POP1: variants seen among roughly 807,000 people sequenced by gnomAD.
The protein encoded by POP1 is POP1 ribonuclease P/MRP subunit.
Under a neutral mutation model 102.2 loss-of-function variants are expected in POP1, and 75 were observed. That is an observed-to-expected ratio of 0.73 (90% CI 0.61 to 0.89). POP1 has a LOEUF of 0.89. Ranked by LOEUF, POP1 falls within the 40% of genes least tolerant of loss-of-function variation. The pLI is 0.00. For synonymous variants in POP1, 436 were observed against 464.1 expected, an observed-to-expected ratio of 0.94 and a Z score of 0.78; for missense variants, 1,116 against 1,267.4, an observed-to-expected ratio of 0.88 and a Z score of 1.81.
intron 1 of POP1, among the ~76,000 whole-genome samples, chr8:98,117,662 C>A (rs1052330258): frequency 1.3e-5 from 2 of 152,282 alleles, no homozygotes; most frequent in Middle Eastern, 3.4e-3. Flanking sequence ...TCTTCTGCAA[C>A]CCCAAATGAC....
chr8:98,135,940 A>T (rs954490287), intron 7 of POP1, among the ~76,000 whole-genome samples: 2 of 152,148 alleles, frequency 1.3e-5, no homozygotes, highest in Admixed American at 1.3e-4. Context: ...CCTGGGCTGA[A>T]GCCATCCTCC....
intron 14 of POP1, among the ~76,000 whole-genome samples, chr8:98,151,418 A>G (rs1214995879): frequency 6.6e-6 from 1 of 152,006 alleles, no homozygotes; most frequent in African/African-American, 2.4e-5. Flanking sequence ...ATCCATTTAG[A>G]CTTTTCTTTT....
Position 98,144,585 on chromosome 8 carries a change from T to C in POP1, c.1595-1983T>C, listed in dbSNP as rs139859809. Reference sequence around the variant, plus strand: ...CCACTTTTGCCAGACCTATCTATTATTATCTTTTAGAATATTTGAAGATGA... The same window carrying C: ...CCACTTTTGCCAGACCTATCTATTACTATCTTTTAGAATATTTGAAGATGA... On this transcript the variant is annotated intron_variant, in intron 11 of 15. Transcript: ENST00000401707. Among the ~76,000 whole-genome samples, 623 of 152,292 alleles carry C rather than the reference T, an allele frequency of 4.1e-3. 8 individuals carry two copies. Among genetic ancestry groups the C allele is most frequent in the African/African-American group, 0.014 (595 of 41,564 alleles).
At chr8:98,129,032 G>T (rs954436480) in intron 4 of POP1, among the ~76,000 whole-genome samples, 1 of 151,982 alleles carries the variant, frequency 6.6e-6, no homozygotes, top group Admixed American at 6.6e-5. Flanking sequence ...AAATTCACAG[G>T]CAATTGGCTA....
intron 1 of POP1, 78 bp downstream of exon 1, chr8:98,117,468 C>G: frequency 3.8e-6 from 1 of 264,160 alleles, no homozygotes; most frequent in South Asian, 3.9e-5. Context: ...TCCCGGCGCC[C>G]GTCTCCCCTC....
At chr8:98,135,423 AG>A (rs1816507198) in intron 7 of POP1, among the ~76,000 whole-genome samples, 1 of 152,236 alleles carries the variant, frequency 6.6e-6, no homozygotes, top group South Asian at 2.1e-4. Context: ...ACTAGTATCT[AG>A]GGGCTATTTG....
intron 14 of POP1, among the ~76,000 whole-genome samples, chr8:98,154,505 C>T (rs2130632930): frequency 6.6e-6 from 1 of 151,368 alleles, no homozygotes. Context: ...GAAGCTGGAG[C>T]AGGTGTTGGC....
chr8:98,149,805 T>C (rs1026396044), intron 13 of POP1, among the ~76,000 whole-genome samples: 1 of 150,632 alleles, frequency 6.6e-6, no homozygotes, highest in African/African-American at 2.4e-5. Context: ...AATAAATAAA[T>C]ATTACTTCGA....
chr8:98,143,247 G>A (rs1407118478), intron 11 of POP1, among the ~76,000 whole-genome samples: 1 of 152,232 alleles, frequency 6.6e-6, no homozygotes, highest in African/African-American at 2.4e-5. Context: ...ACTGATGTGT[G>A]TGCTGACTCA....
intron 9 of POP1, among the ~76,000 whole-genome samples, chr8:98,138,266 A>G (rs1233050245): frequency 1.3e-5 from 2 of 152,224 alleles, no homozygotes; most frequent in Admixed American, 6.5e-5. Flanking sequence ...AAAGTGCTCA[A>G]TGTGACCCGT....
chr8:98,141,233 T>C (rs1816696085), intron 11 of POP1, among the ~76,000 whole-genome samples: 1 of 152,116 alleles, frequency 6.6e-6, no homozygotes, highest in Non-Finnish European at 1.5e-5. Context: ...CACCCGAAGC[T>C]GGTCTTGTGC....
At chr8:98,122,776 A>G (rs1436923233) in intron 1 of POP1, among the ~76,000 whole-genome samples, 1 of 152,218 alleles carries the variant, frequency 6.6e-6, no homozygotes, top group African/African-American at 2.4e-5. Flanking sequence ...CATTCATTTC[A>G]TTTAAAAATA....
At chr8:98,123,532 A>G in intron 2 of POP1, 53 bp downstream of exon 2, 1 of 1,556,920 alleles carries the variant, frequency 6.4e-7, no homozygotes, top group Non-Finnish European at 8.8e-7. Flanking sequence ...TAATCCCAGC[A>G]CTTTGGGAGG....
chr8:98,137,641 G>A (rs1563777353), intron 9 of POP1, among the ~76,000 whole-genome samples: 1 of 152,184 alleles, frequency 6.6e-6, no homozygotes, highest in Admixed American at 6.5e-5. Context: ...GTTAAGAGCA[G>A]TATGTCTAGG....
Position 98,152,144 on chromosome 8 carries a change from C to T in POP1, c.2057+1505C>T, listed in dbSNP as rs73701273. Among the ~76,000 whole-genome samples the T allele has an allele frequency of 1.8e-3, 268 of 152,300 alleles. 6 individuals carry two copies. Among genetic ancestry groups the T allele is most frequent in the African/African-American group, 6.1e-3 (253 of 41,580 alleles). On this transcript the variant is annotated intron_variant, in intron 14 of 15. Transcript: ENST00000401707. The stretch of plus-strand genomic sequence containing the variant: ...TTGAGGGCAGCAATCACATGTTATA[C>T]ATCCTTGTGCCTCCCATAGTATGTA...
rs1198155781 is a variant in POP1, at chr8:98,117,304, A to T, written c.-89A>T. Reference sequence around the variant, plus strand: ...GCCCGGTCTGGCGCATGCGCTCTCCAGCGCGCTCTCCAGGAGCTTTGGCTC... The same window carrying T: ...GCCCGGTCTGGCGCATGCGCTCTCCTGCGCGCTCTCCAGGAGCTTTGGCTC... On this transcript the variant is annotated 5_prime_UTR_variant, in exon 1 of 16. Transcript: ENST00000401707. 1.7e-6 allele frequency: 1 copy of T among 593,184 alleles called. No homozygotes were observed. Among genetic ancestry groups the T allele is most frequent in the African/African-American group, 1.9e-5 (1 of 53,562 alleles). The allele number at this position is 593,184 out of a possible 1,614,324, so 36.7% of individuals were successfully genotyped here.
intron 11 of POP1, among the ~76,000 whole-genome samples, chr8:98,145,019 C>G (rs1816806309): frequency 6.6e-6 from 1 of 152,106 alleles, no homozygotes; most frequent in Admixed American, 6.6e-5. Context: ...TCTCAAGTAG[C>G]TGGGATGACA....
At chr8:98,128,277 A>C in intron 3 of POP1, 88 bp from the exon 4 acceptor site, 1 of 1,271,410 alleles carries the variant, frequency 7.9e-7, no homozygotes. Flanking sequence ...TTGGTGGAGG[A>C]ATTCAGTTAA....
chr8:98,133,048 G>A (rs1816427273), intron 5 of POP1, among the ~76,000 whole-genome samples: 1 of 37,050 alleles, frequency 2.7e-5, no homozygotes, highest in Non-Finnish European at 4.9e-5. Flanking sequence ...CTCTGTCTCT[G>A]CAAAAAAAAA....
Sources: gnomAD v4.1 joint callset for allele counts (sites outside exome capture counted in the v4.1 genomes callset) on GRCh38, gnomAD v4.1.1 for gene constraint, MANE v1.5 for transcripts, NCBI Gene and HGNC (gene_info 2026-07-23, HGNC 2026-07-21) for gene names.